Variants in ERAP1 observed in about 807,000 individuals in gnomAD.
ERAP1 encodes adipocyte-derived leucine aminopeptidase.
ERAP1 carries 86 observed loss-of-function variants against 103.7 expected under a neutral mutation model. The ratio of observed to expected loss-of-function variants is 0.83; its 90% CI spans 0.70 to 0.99. The LOEUF is 0.99. Among genes scored for constraint, ERAP1 ranks in the 50% least tolerant of loss-of-function variants. The pLI is 0.00. For missense variants in ERAP1, 1,009 were observed against 1,128.4 expected (o/e 0.89, Z 1.52); for synonymous variants, 398 against 402.4 (o/e 0.99, Z 0.13).
the ERAP1 span, among the ~76,000 whole-genome samples, chr5:96,853,726 T>G: frequency 6.6e-6 from 1 of 151,990 alleles, no homozygotes; most frequent in African/African-American, 2.4e-5. Flanking sequence ...CACAGTGAAC[T>G]GTGGCTTTGG....
chr5:96,875,535 CAAAA>C, the ERAP1 span, among the ~76,000 whole-genome samples: 2 of 134,928 alleles, frequency 1.5e-5, no homozygotes. Flanking sequence ...GACCCTATCT[CAAAA>C]AAAAAAAAAA....
chr5:96,771,023 T>A (rs1230598766), downstream of ERAP1, among the ~76,000 whole-genome samples: 1 of 152,162 alleles, frequency 6.6e-6, no homozygotes, highest in Non-Finnish European at 1.5e-5. Context: ...TTTAAATGAT[T>A]ATTACTATGA....
At chr5:96,873,759 T>A in the ERAP1 span, 1 of 317,984 alleles carries the variant, frequency 3.1e-6, no homozygotes, top group Non-Finnish European at 6.3e-6. Flanking sequence ...GGGTCTCTTA[T>A]ATGGCAGGCT....
chr5:96,882,990 A>T, the ERAP1 span, among the ~76,000 whole-genome samples: 3 of 152,142 alleles, frequency 2.0e-5, no homozygotes, highest in African/African-American at 7.2e-5. Flanking sequence ...AGTTTCAGGC[A>T]TATCCTGGTG....
At chr5:96,922,095 G>C in the ERAP1 span, among the ~76,000 whole-genome samples, 4 of 151,320 alleles carry the variant, frequency 2.6e-5, no homozygotes, top group African/African-American at 9.7e-5. Context: ...TCAGGAGATC[G>C]AGACCATCCT....
downstream of ERAP1, chr5:96,770,339 C>G (rs1771809281): frequency 1.8e-6 from 1 of 544,042 alleles, no homozygotes; most frequent in South Asian, 2.2e-5. Context: ...TATTTCTATC[C>G]TTTTTCCCTC....
At chr5:96,822,924 G>T in the ERAP1 span, 4 of 387,436 alleles carry the variant, frequency 1.0e-5, no homozygotes, top group East Asian at 1.5e-4. Flanking sequence ...GTCATCCAGG[G>T]ATACAGTCTC....
At chr5:96,843,957 T>C in the ERAP1 span, among the ~76,000 whole-genome samples, 1 of 152,302 alleles carries the variant, frequency 6.6e-6, no homozygotes, top group South Asian at 2.1e-4. Flanking sequence ...TGCCAAACCA[T>C]TGTATTATCT....
intron 14 of ERAP1, 116 bp from the exon 15 acceptor site, chr5:96,783,351 T>C (rs11738810): frequency 0.11 from 95,916 of 887,598 alleles, 6,042 homozygotes; most frequent in Non-Finnish European, 0.13. Flanking sequence ...AATCTAACTT[T>C]TACTGTATAA....
At chr5:96,784,620 G>T (rs987952380) in intron 13 of ERAP1, among the ~76,000 whole-genome samples, 1 of 152,074 alleles carries the variant, frequency 6.6e-6, no homozygotes, top group Non-Finnish European at 1.5e-5. Context: ...TGGATAAGCC[G>T]GAAAGGAAGC....
At chr5:96,870,345 C>T in the ERAP1 span, among the ~76,000 whole-genome samples, 1 of 152,176 alleles carries the variant, frequency 6.6e-6, no homozygotes, top group Non-Finnish European at 1.5e-5. Context: ...CACAGGCAAA[C>T]ATGAACGTTG....
At chr5:96,846,438 C>G in the ERAP1 span, among the ~76,000 whole-genome samples, 3 of 152,166 alleles carry the variant, frequency 2.0e-5, no homozygotes, top group African/African-American at 2.4e-5. Context: ...ATCAGAAGCT[C>G]TAAAAAAGAA....
chr5:96,823,550 C>T, the ERAP1 span, among the ~76,000 whole-genome samples: 1 of 152,180 alleles, frequency 6.6e-6, no homozygotes. Context: ...ATCCTTCACT[C>T]AAGTGTGCAA....
chr5:96,868,975 T>C, the ERAP1 span, among the ~76,000 whole-genome samples: 8 of 152,092 alleles, frequency 5.3e-5, no homozygotes, highest in African/African-American at 1.9e-4. Context: ...TAGAATGTTA[T>C]TGCTTTTTGG....
chr5:96,821,109 G>A, the ERAP1 span, among the ~76,000 whole-genome samples: 1 of 152,180 alleles, frequency 6.6e-6, no homozygotes, highest in Non-Finnish European at 1.5e-5. Context: ...TTCATCTTGA[G>A]TTCAAAGGCA....
chr5:96,803,034 T>G (rs1356889073), intron 2 of ERAP1, among the ~76,000 whole-genome samples: 1 of 152,070 alleles, frequency 6.6e-6, no homozygotes, highest in Non-Finnish European at 1.5e-5. Context: ...CCTCCAGACC[T>G]GAGAGAGAAT....
At chr5:96,892,303 A>C in the ERAP1 span, 90 of 1,613,678 alleles carry the variant, frequency 5.6e-5, no homozygotes, top group Non-Finnish European at 7.5e-5. Flanking sequence ...TCTTAGATTT[A>C]ATTGCTATTC....
At chr5:96,771,786 C>CGGG (rs1772456996), downstream of ERAP1, 2 of 780,448 alleles carry the variant, frequency 2.6e-6, no homozygotes, top group Non-Finnish European at 4.4e-6. Context: ...TGAAGTCCAC[C>CGGG]TCTTGAGTAA....
chr5:96,858,377 C>A, the ERAP1 span, among the ~76,000 whole-genome samples: 5 of 151,924 alleles, frequency 3.3e-5, no homozygotes, highest in Admixed American at 2.6e-4. Flanking sequence ...ACCATACCCA[C>A]CTAATTTTTG....
Sources: gnomAD v4.1 joint callset for allele counts (sites outside exome capture counted in the v4.1 genomes callset) on GRCh38, gnomAD v4.1.1 for gene constraint, MANE v1.5 for transcripts, NCBI Gene and HGNC (gene_info 2026-07-23, HGNC 2026-07-21) for gene names.